Variants in MAPK10 observed in about 807,000 individuals in gnomAD.
MAPK10 encodes mitogen-activated protein kinase 10.
MAPK10 carries 25 observed loss-of-function variants against 59.3 expected under a neutral mutation model. The observed-to-expected ratio is 0.42, with a 90% confidence interval of 0.31 to 0.59. The LOEUF (loss-of-function observed/expected upper bound fraction) is 0.59, where lower values mean the gene tolerates loss of function less well. MAPK10 is among the 20% of genes least tolerant of loss of function. The probability of loss-of-function intolerance (pLI) is 0.15; values close to 1 mark genes in which losing one functional copy is unlikely to be tolerated. For synonymous variants in MAPK10, 190 were observed against 200.5 expected (o/e 0.95, Z 0.44); for missense variants, 351 against 568.9 (o/e 0.62, Z 3.90).
intron 4 of MAPK10, among the ~76,000 whole-genome samples, chr4:86,146,820 C>T (rs531449730): frequency 3.3e-5 from 5 of 152,280 alleles, no homozygotes; most frequent in African/African-American, 1.2e-4. Context: ...CAAAATTATC[C>T]TAACCAATGT....
Position 86,242,755 on chromosome 4 carries a change from C to T in MAPK10, c.-6-48348G>A, listed in dbSNP as rs745744880. 2.2e-4 allele frequency among the ~76,000 whole-genome samples: 33 copies of T among 152,164 alleles called. 1 individual carries two copies. The highest frequency in any genetic ancestry group is 4.0e-4 in the Non-Finnish European group (27 of 68,024). ...GAAGTAGGTGCTGCTCTTCCCCTGC[C>T]CAGAGAGCTTAGCATGTTAGGCAGT... On this transcript the variant is annotated intron_variant, in intron 2 of 13. Coordinates refer to ENST00000641462, the MANE Select transcript of MAPK10 (RefSeq NM_138982.4).
chr4:86,331,951 A>G (rs1265204159), intron 2 of MAPK10, among the ~76,000 whole-genome samples: 2 of 152,190 alleles, frequency 1.3e-5, no homozygotes, highest in Non-Finnish European at 2.9e-5. Flanking sequence ...GTTTATAACT[A>G]CATTTCATTT....
chr4:86,171,882 A>C (rs1189080908), intron 3 of MAPK10, among the ~76,000 whole-genome samples: 6 of 151,264 alleles, frequency 4.0e-5, no homozygotes, highest in African/African-American at 1.2e-4. Flanking sequence ...AATTTACAAG[A>C]AAAAAACAAC....
intron 1 of MAPK10, among the ~76,000 whole-genome samples, chr4:86,543,794 A>T (rs1219997524): frequency 1.3e-5 from 2 of 152,178 alleles, no homozygotes; most frequent in African/African-American, 4.8e-5. Context: ...ATGTTTCAAG[A>T]AGGGATCTGA....
intron 1 of MAPK10, among the ~76,000 whole-genome samples, chr4:86,402,397 A>G (rs895963505): frequency 1.3e-5 from 2 of 152,196 alleles, no homozygotes; most frequent in African/African-American, 4.8e-5. Flanking sequence ...ATGGAAGCAG[A>G]AACATACTTG....
intron 11 of MAPK10, among the ~76,000 whole-genome samples, chr4:86,041,660 G>A (rs2041551415): frequency 6.6e-6 from 1 of 152,060 alleles, no homozygotes; most frequent in South Asian, 2.1e-4. Context: ...GTGGGCGAAG[G>A]ACATGAACAG....
At chr4:86,259,169 C>T (rs1291597932) in intron 2 of MAPK10, among the ~76,000 whole-genome samples, 1 of 152,082 alleles carries the variant, frequency 6.6e-6, no homozygotes, top group Non-Finnish European at 1.5e-5. Flanking sequence ...CCCAAGTTTC[C>T]TTACATAGGC....
At chr4:86,299,220 C>T (rs1005454667) in intron 2 of MAPK10, among the ~76,000 whole-genome samples, 4 of 152,114 alleles carry the variant, frequency 2.6e-5, no homozygotes, top group Non-Finnish European at 2.9e-5. Flanking sequence ...TCGAAATAAA[C>T]TTTAAATAAA....
At chr4:86,035,797 G>A (rs1387701405) in intron 11 of MAPK10, among the ~76,000 whole-genome samples, 1 of 152,128 alleles carries the variant, frequency 6.6e-6, no homozygotes, top group Non-Finnish European at 1.5e-5. Context: ...TGGTAGAGGT[G>A]AGCCTAAGTG....
intron 1 of MAPK10, among the ~76,000 whole-genome samples, chr4:86,570,828 G>T (rs1451694029): frequency 6.6e-6 from 1 of 152,126 alleles, no homozygotes; most frequent in African/African-American, 2.4e-5. Flanking sequence ...AAGGGGGATG[G>T]GCAGAGGAGT....
intron 2 of MAPK10, among the ~76,000 whole-genome samples, chr4:86,262,299 C>A (rs2094020357): frequency 6.6e-6 from 1 of 152,142 alleles, no homozygotes; most frequent in Non-Finnish European, 1.5e-5. Context: ...AAAAAGTAAG[C>A]TCTCACCAGA....
chr4:86,144,310 C>A (rs994027515), intron 4 of MAPK10, among the ~76,000 whole-genome samples: 2 of 151,930 alleles, frequency 1.3e-5, no homozygotes, highest in Non-Finnish European at 2.9e-5. Context: ...AGAAATATTA[C>A]TTTATAAGAC....
chr4:86,245,759 C>A (rs1447103731), intron 2 of MAPK10, among the ~76,000 whole-genome samples: 1 of 152,110 alleles, frequency 6.6e-6, no homozygotes, highest in Non-Finnish European at 1.5e-5. Flanking sequence ...GTTTAAAATG[C>A]CTCTAAAACC....
chr4:86,125,832 A>G (rs1299255773), intron 4 of MAPK10: 5 of 152,084 alleles, frequency 3.3e-5, no homozygotes, highest in African/African-American at 9.7e-5. Flanking sequence ...CCCAACAGTG[A>G]CACAGTGACT....
At chr4:86,070,477 G>A (rs538237661) in intron 9 of MAPK10, among the ~76,000 whole-genome samples, 1 of 150,548 alleles carries the variant, frequency 6.6e-6, no homozygotes, top group East Asian at 2.0e-4. Context: ...TGCCATGCTG[G>A]TGCGCTGCAC....
chr4:86,062,690 T>G (rs979016192), intron 11 of MAPK10, among the ~76,000 whole-genome samples: 1 of 152,090 alleles, frequency 6.6e-6, no homozygotes, highest in African/African-American at 2.4e-5. Context: ...CATATTTATA[T>G]AAAATGTTTA....
intron 1 of MAPK10, among the ~76,000 whole-genome samples, chr4:86,562,237 C>T (rs563236493): frequency 6.6e-6 from 1 of 152,190 alleles, no homozygotes; most frequent in East Asian, 1.9e-4. Context: ...TGTGATCATG[C>T]CACTGCACTC....
Position 86,154,692 on chromosome 4 carries a change from G to A in MAPK10, c.236+4606C>T, listed in dbSNP as rs538891216. Among the ~76,000 whole-genome samples, 18 of 152,114 alleles carry A rather than the reference G, an allele frequency of 1.2e-4. No homozygotes were observed. The South Asian group carries it at 3.3e-3, about 28-fold the overall frequency. ...ATGAGAAAATCCATTTTACAGATGA[G>A]TAAACCTAGATTCTGAAAGACTGAA... On this transcript the variant is annotated intron_variant, in intron 4 of 13. Transcript: ENST00000641462.
At chr4:86,325,894 G>A (rs959750720) in intron 2 of MAPK10, 3 of 152,150 alleles carry the variant, frequency 2.0e-5, no homozygotes, top group Admixed American at 1.3e-4. Context: ...TTTATACTGA[G>A]CACTTACTGT....
Sources: allele counts gnomAD v4.1 joint callset (sites outside exome capture counted in the v4.1 genomes callset), GRCh38; gene constraint gnomAD v4.1.1; transcripts MANE v1.5; gene names NCBI Gene and HGNC (gene_info 2026-07-23, HGNC 2026-07-21).